PRDM6: variants seen among roughly 807,000 people sequenced by gnomAD.
The protein encoded by PRDM6 is PR/SET domain 6.
In PRDM6, 25 loss-of-function variants were observed where a neutral mutation model predicts 60.8. The observed-to-expected ratio is 0.41, with a 90% CI of 0.30 to 0.57. The LOEUF is 0.57. Among genes scored for constraint, PRDM6 ranks in the 20% least tolerant of loss-of-function variants. The pLI is 0.27. For missense variants in PRDM6, 839 were observed against 821.3 expected (o/e 1.02, Z -0.26); for synonymous variants, 407 against 357.4 (o/e 1.14, Z -1.57).
rs891805567 is a variant in PRDM6, at chr5:123,161,215, A to G, written c.1153+1577A>G. 4.6e-5 allele frequency among the ~76,000 whole-genome samples: 7 copies of G among 152,234 alleles called. No homozygotes were observed. The East Asian group carries it at 1.3e-3, about 29-fold the overall frequency. Reference sequence around the variant, plus strand: ...GAGGGATGTCTAGAGTAAACAACATATCAAGGCCAAACATTTATTCATTCA... The same window carrying G: ...GAGGGATGTCTAGAGTAAACAACATGTCAAGGCCAAACATTTATTCATTCA... On this transcript the variant is annotated intron_variant, in intron 5 of 7. Coordinates refer to ENST00000407847, the MANE Select transcript of PRDM6 (RefSeq NM_001136239.4).
intron 7 of PRDM6, among the ~76,000 whole-genome samples, chr5:123,181,511 A>G (rs1561886906): frequency 1.3e-5 from 2 of 152,208 alleles, no homozygotes; most frequent in Non-Finnish European, 2.9e-5. Context: ...TGGTGTTCTC[A>G]GAGCAGTTTT....
chr5:123,193,097 A>G lies in PRDM6; in HGVS notation c.*5896A>G, dbSNP rs963851647. 1 of 152,226 alleles carries G rather than the reference A, an allele frequency of 6.6e-6. No homozygotes were observed. Among genetic ancestry groups the G allele is most frequent in the Non-Finnish European group, 1.5e-5 (1 of 68,034 alleles). 9.4% of individuals were successfully genotyped at this position (152,226 alleles called of 1,614,324 possible). ...TTTACCGTGGTTTATTGAAACCACA[A>G]TGTATACTACTTTCCTCCAGATTCT... On this transcript the variant is annotated 3_prime_UTR_variant, in exon 8 of 8. Coordinates refer to ENST00000407847, the MANE Select transcript of PRDM6 (RefSeq NM_001136239.4).
chr5:123,147,309 A>AGAGAG (rs1561853207), intron 3 of PRDM6, among the ~76,000 whole-genome samples: 1 of 125,238 alleles, frequency 8.0e-6, no homozygotes, highest in Non-Finnish European at 1.8e-5. Context: ...GAGAGAGAGA[A>AGAGAG]AACGAACAAG....
chr5:123,190,265 A>G lies in PRDM6; in HGVS notation c.*3064A>G, dbSNP rs1766382143. On this transcript the variant is annotated 3_prime_UTR_variant, in exon 8 of 8. Transcript: ENST00000407847. ...TTTAGCAGAGTCTAAGACGAAAGGT[A>G]ATGCCAGGGAAAAGTCAGGGTGCAA... 1 of 152,182 alleles carries G rather than the reference A, an allele frequency of 6.6e-6. No individual in the cohort carries two copies. The highest frequency in any genetic ancestry group is 1.5e-5 in the Non-Finnish European group (1 of 68,018). The allele number at this position is 152,182 out of a possible 1,614,324, so 9.4% of individuals were successfully genotyped here. A position where few individuals can be genotyped will look rare whatever the true frequency, so the allele number is the denominator to read the frequency against.
At chr5:123,147,341 T>C (rs1241873846) in intron 3 of PRDM6, among the ~76,000 whole-genome samples, 2 of 151,626 alleles carry the variant, frequency 1.3e-5, no homozygotes, top group African/African-American at 4.9e-5. Flanking sequence ...TGCAAATATT[T>C]CCAAGGTTGT....
At chr5:123,181,165 G>A (rs1194375746) in intron 7 of PRDM6, among the ~76,000 whole-genome samples, 1 of 152,012 alleles carries the variant, frequency 6.6e-6, no homozygotes, top group African/African-American at 2.4e-5. Flanking sequence ...GTACTTTTTT[G>A]CTAGGCACCC....
At chr5:123,148,132 T>G (rs1765289031) in intron 3 of PRDM6, among the ~76,000 whole-genome samples, 1 of 152,252 alleles carries the variant, frequency 6.6e-6, no homozygotes, top group African/African-American at 2.4e-5. Flanking sequence ...TTACCATATT[T>G]CAGTCTTGAC....
intron 5 of PRDM6, among the ~76,000 whole-genome samples, chr5:123,164,580 A>G (rs1765714103): frequency 6.6e-6 from 1 of 152,214 alleles, no homozygotes; most frequent in Non-Finnish European, 1.5e-5. Context: ...AGAAGAAGAA[A>G]GAAGTCACTC....
intron 3 of PRDM6, among the ~76,000 whole-genome samples, chr5:123,134,428 TAA>T (rs1319509168): frequency 1.3e-5 from 2 of 152,080 alleles, no homozygotes; most frequent in African/African-American, 2.4e-5. Flanking sequence ...TTCAAAGTAA[TAA>T]GTTTATTTTA....
chr5:123,135,202 A>G (rs923094543), intron 3 of PRDM6, among the ~76,000 whole-genome samples: 1 of 152,204 alleles, frequency 6.6e-6, no homozygotes, highest in African/African-American at 2.4e-5. Context: ...GTGCTACACA[A>G]GTGGGAAGTG....
chr5:123,160,681 G>T (rs1330168357), intron 5 of PRDM6, among the ~76,000 whole-genome samples: 1 of 152,010 alleles, frequency 6.6e-6, no homozygotes, highest in African/African-American at 2.4e-5. Context: ...TAATTTCTTT[G>T]TAAAAAGAAA....
At chr5:123,125,121 T>C (rs1366195213) in intron 3 of PRDM6, among the ~76,000 whole-genome samples, 1 of 135,586 alleles carries the variant, frequency 7.4e-6, no homozygotes, top group Non-Finnish European at 1.6e-5. Context: ...AGTACCTTGC[T>C]CAATTTGTAT....
chr5:123,187,254 G>GT lies in PRDM6; in HGVS notation c.*53_*54insT. ...AAGGAAAGTCATGATTAAATGTCAC[G>GT]GACACTTAAGCAAAACCAAAGATTT... On this transcript the variant is annotated 3_prime_UTR_variant, in exon 8 of 8. Coordinates refer to ENST00000407847, the MANE Select transcript of PRDM6 (RefSeq NM_001136239.4). The GT allele has an allele frequency of 2.2e-6, 3 of 1,371,484 alleles. No individual in the cohort carries two copies. Among genetic ancestry groups the GT allele is most frequent in the Non-Finnish European group, 3.0e-6 (3 of 985,764 alleles). 85.0% of individuals were successfully genotyped at this position (1,371,484 alleles called of 1,614,324 possible). A position where few individuals can be genotyped will look rare whatever the true frequency, so the allele number is the denominator to read the frequency against.
Position 123,191,545 on chromosome 5 carries a change from G to A in PRDM6, c.*4344G>A, listed in dbSNP as rs542844739. ...TTTCCCAGAGTCTTTACTAGATCCT[G>A]ACATCAGATTTTAAAAGATACTGAG... is the stretch of plus-strand genomic sequence containing the variant. On this transcript the variant is annotated 3_prime_UTR_variant, in exon 8 of 8. Coordinates refer to ENST00000407847, the MANE Select transcript of PRDM6 (RefSeq NM_001136239.4). 1.3e-5 allele frequency: 2 copies of A among 152,028 alleles called. No individual in the cohort carries two copies. The highest frequency in any genetic ancestry group is 2.9e-5 in the Non-Finnish European group (2 of 67,998). 9.4% of individuals were successfully genotyped at this position (152,028 alleles called of 1,614,324 possible).
chr5:123,095,523 G>A (rs553989921), intron 2 of PRDM6, among the ~76,000 whole-genome samples: 4 of 152,362 alleles, frequency 2.6e-5, no homozygotes, highest in Admixed American at 1.3e-4. Context: ...TAGGGCGCAC[G>A]CGGCACTGCC....
At chr5:123,132,286 T>C (rs1443298845) in intron 3 of PRDM6, among the ~76,000 whole-genome samples, 1 of 152,166 alleles carries the variant, frequency 6.6e-6, no homozygotes, top group African/African-American at 2.4e-5. Flanking sequence ...TAGAGAAACA[T>C]CTTAGGCCTT....
At chr5:123,097,943 T>A (rs1763994652) in intron 2 of PRDM6, among the ~76,000 whole-genome samples, 1 of 151,978 alleles carries the variant, frequency 6.6e-6, no homozygotes, top group African/African-American at 2.4e-5. Flanking sequence ...AGTAGAGGAG[T>A]AGCTGCTGAC....
At chr5:123,149,037 A>C (rs1357133833) in intron 3 of PRDM6, among the ~76,000 whole-genome samples, 3 of 152,234 alleles carry the variant, frequency 2.0e-5, no homozygotes, top group Non-Finnish European at 4.4e-5. Flanking sequence ...AAAGTATTTT[A>C]TAAACTCAAA....
Position 123,099,799 on chromosome 5 carries a change from C to T in PRDM6, c.738C>T (p.Arg246=), listed in dbSNP as rs544707069. ...ELPEWLRDLP[R]EVCLCTSTVP... is the part of the protein sequence containing the mutation. ...CGGAGTGGCTGCGGGACCTGCCTCG[C>T]GAGGTGTGCCTCTGCACCAGTACTG... Residue 246 remains arginine, a synonymous_variant, in exon 3 of 8, where the codon CGC becomes CGT. Coordinates refer to ENST00000407847, the MANE Select transcript of PRDM6 (RefSeq NM_001136239.4). The surrounding 1 kb of genome is among the most constrained non-coding windows in gnomAD (Gnocchi z 4.0). 1 of 1,549,118 alleles carries T rather than the reference C, an allele frequency of 6.5e-7. No homozygotes were observed. Among genetic ancestry groups the T allele is most frequent in the African/African-American group, 1.4e-5 (1 of 73,088 alleles).
Sources: allele counts gnomAD v4.1 joint callset (sites outside exome capture counted in the v4.1 genomes callset), GRCh38; gene constraint gnomAD v4.1.1; non-coding constraint Gnocchi (gnomAD v3.1); transcripts MANE v1.5; gene names NCBI Gene and HGNC (gene_info 2026-07-23, HGNC 2026-07-21).